SIDT1: variants seen among roughly 807,000 people sequenced by gnomAD.
SIDT1 encodes the protein SID1 transmembrane family, member 1.
SIDT1 carries 101 observed loss-of-function variants against 107.5 expected under a neutral mutation model. The observed-to-expected ratio is 0.94, with a 90% CI of 0.80 to 1.11. The LOEUF is 1.11. Ranked by LOEUF, SIDT1 falls within the 50% of genes least tolerant of loss-of-function variation. SIDT1 has a pLI of 0.00. For missense variants in SIDT1, 1,076 were observed against 1,058.2 expected (o/e 1.02, Z -0.23); for synonymous variants, 395 against 398.2 (o/e 0.99, Z 0.10).
At chr3:113,570,418 G>C (rs189098373) in intron 3 of SIDT1, among the ~76,000 whole-genome samples, 32 of 152,100 alleles carry the variant, frequency 2.1e-4, no homozygotes, top group Admixed American at 1.9e-3. Context: ...TCACTTGGTG[G>C]TAGCATATTT....
chr3:113,569,705 A>G (rs1250862453), intron 3 of SIDT1, among the ~76,000 whole-genome samples: 4 of 152,266 alleles, frequency 2.6e-5, no homozygotes, highest in Admixed American at 2.6e-4. Flanking sequence ...TTTAAGAGCA[A>G]AGGACACTCT....
intron 3 of SIDT1, among the ~76,000 whole-genome samples, chr3:113,570,952 G>T (rs1166604265): frequency 6.6e-6 from 1 of 152,270 alleles, no homozygotes; most frequent in East Asian, 1.9e-4. Flanking sequence ...TAAGTGACTT[G>T]TTCAAATTCA....
intron 11 of SIDT1, 54 bp downstream of exon 11, chr3:113,601,713 T>C: frequency 7.7e-7 from 1 of 1,301,300 alleles, no homozygotes. Context: ...GCAGAGAATA[T>C]GATAGAAAGG....
intron 15 of SIDT1, 140 bp from the exon 16 acceptor site, chr3:113,607,954 A>G: frequency 1.0e-6 from 1 of 1,003,756 alleles, no homozygotes; most frequent in Non-Finnish European, 1.4e-6. Context: ...GATTTCTAAT[A>G]CTTTTCTGAT....
intron 1 of SIDT1, 151 bp downstream of exon 1, chr3:113,533,394 T>C (rs1937702105): frequency 7.0e-6 from 4 of 570,080 alleles, no homozygotes; most frequent in African/African-American, 4.0e-5. Context: ...ATCGCTGCCC[T>C]GCCCTAGCTG....
At chr3:113,594,224 T>G (rs1459197425) in intron 10 of SIDT1, among the ~76,000 whole-genome samples, 1 of 152,200 alleles carries the variant, frequency 6.6e-6, no homozygotes, top group Non-Finnish European at 1.5e-5. Context: ...AATGTCAGCA[T>G]GCCTGTTTTT....
Position 113,558,228 on chromosome 3 carries a change from G to A in SIDT1, c.223-8192G>A, listed in dbSNP as rs185050599. Among the ~76,000 whole-genome samples the A allele has an allele frequency of 2.5e-3, 383 of 152,310 alleles. 5 individuals carry two copies. Among genetic ancestry groups the A allele is most frequent in the Admixed American group, 0.021 (321 of 15,304 alleles). Reference sequence around the variant, plus strand: ...CAAACACAAAGGCCAGCACATCATGGCTTCTTTTTTATTATTACTAGGAAA... The same window carrying A: ...CAAACACAAAGGCCAGCACATCATGACTTCTTTTTTATTATTACTAGGAAA... On this transcript the variant is annotated intron_variant, in intron 1 of 24. Coordinates refer to ENST00000264852, the MANE Select transcript of SIDT1 (RefSeq NM_017699.3).
At chr3:113,634,937 GA>G in the SIDT1 span, among the ~76,000 whole-genome samples, 1 of 152,220 alleles carries the variant, frequency 6.6e-6, no homozygotes, top group African/African-American at 2.4e-5. Flanking sequence ...CCACGGCTGT[GA>G]AGCATTTTGG....
rs1394284209 is a variant in SIDT1, at chr3:113,581,443, A to G, written c.746A>G (p.Gln249Arg). The G allele has an allele frequency of 6.2e-7, 1 of 1,611,184 alleles. No homozygotes were observed. The highest frequency in any genetic ancestry group is 8.5e-7 in the Non-Finnish European group (1 of 1,177,272). Residue 249 changes from glutamine (Q) to arginine (R), a missense_variant and splice_region_variant, in exon 6 of 25, where the codon CAG becomes CGG. Gln to Arg is a conservative substitution (Grantham distance 43). Coordinates refer to ENST00000264852, the MANE Select transcript of SIDT1 (RefSeq NM_017699.3). ...SMTKKAAITL[Q>R]KKDFPGEQFF... Reference sequence around the variant, plus strand: ...ACCAAGAAAGCTGCCATCACGCTACAGGTGAGGCATTGCTTCTGTGGGCAT... The same window carrying G: ...ACCAAGAAAGCTGCCATCACGCTACGGGTGAGGCATTGCTTCTGTGGGCAT...
At chr3:113,605,162 A>G (rs1401348822) in intron 14 of SIDT1, among the ~76,000 whole-genome samples, 186 bp downstream of exon 14, 2 of 121,640 alleles carry the variant, frequency 1.6e-5, no homozygotes, top group Admixed American at 1.1e-4. Context: ...TCGCTCTGTC[A>G]CCCTGGCTGG....
At chr3:113,550,042 A>ATT (rs1461999431) in intron 1 of SIDT1, among the ~76,000 whole-genome samples, 6 of 152,280 alleles carry the variant, frequency 3.9e-5, no homozygotes, top group African/African-American at 1.4e-4. Flanking sequence ...CATGTTCACA[A>ATT]TTATACTTTG....
At chr3:113,627,622 A>C (rs202125335) in intron 24 of SIDT1, 24 bp from the exon 25 acceptor site, 3 of 1,612,430 alleles carry the variant, frequency 1.9e-6, no homozygotes, top group African/African-American at 2.7e-5. Context: ...CATTCCTTTC[A>C]TTTCTCTGTC....
intron 1 of SIDT1, among the ~76,000 whole-genome samples, chr3:113,544,649 A>G (rs1411670400): frequency 1.3e-5 from 2 of 152,196 alleles, no homozygotes; most frequent in African/African-American, 4.8e-5. Context: ...TCCAGGCTAT[A>G]CATTTTTGAC....
chr3:113,632,113 C>A (rs368239311), downstream of SIDT1, among the ~76,000 whole-genome samples: 3 of 151,962 alleles, frequency 2.0e-5, no homozygotes, highest in South Asian at 2.1e-4. Context: ...CAGTCAAGTG[C>A]TAAATAAAAA....
intron 15 of SIDT1, among the ~76,000 whole-genome samples, chr3:113,607,514 G>A (rs1945422648): frequency 6.6e-6 from 1 of 152,238 alleles, no homozygotes; most frequent in South Asian, 2.1e-4. Flanking sequence ...CAGCTGCTAA[G>A]TAGTGCAGGA....
At chr3:113,575,016 TGCC>T (rs1201448596) in intron 3 of SIDT1, among the ~76,000 whole-genome samples, 1 of 152,158 alleles carries the variant, frequency 6.6e-6, no homozygotes, top group East Asian at 1.9e-4. Flanking sequence ...TTGCACATAC[TGCC>T]GACTCCATGA....
intron 10 of SIDT1, among the ~76,000 whole-genome samples, chr3:113,601,083 T>C (rs967452238): frequency 6.6e-6 from 1 of 152,240 alleles, no homozygotes; most frequent in Non-Finnish European, 1.5e-5. Flanking sequence ...CCAAGGCCAT[T>C]GCATTAGTCC....
intron 21 of SIDT1, 55 bp downstream of exon 21, chr3:113,619,781 G>C (rs1946335425): frequency 1.3e-6 from 2 of 1,486,720 alleles, no homozygotes; most frequent in East Asian, 4.5e-5. Context: ...GTAACACTGT[G>C]GTTTAGCTTT....
intron 3 of SIDT1, among the ~76,000 whole-genome samples, chr3:113,575,070 T>C (rs530396471): frequency 6.6e-6 from 1 of 152,342 alleles, no homozygotes; most frequent in East Asian, 1.9e-4. Flanking sequence ...CACAGTAACA[T>C]GTTTTACAAG....
Sources: allele counts gnomAD v4.1 joint callset (sites outside exome capture counted in the v4.1 genomes callset), GRCh38; gene constraint gnomAD v4.1.1; transcripts MANE v1.5; gene names NCBI Gene and HGNC (gene_info 2026-07-23, HGNC 2026-07-21).